Variants in HS6ST3 observed in about 807,000 individuals in gnomAD.
HS6ST3 encodes heparan sulfate 6-O-sulfotransferase 3.
HS6ST3 carries 12 observed loss-of-function variants against 36.7 expected under a neutral mutation model. That is an observed-to-expected ratio of 0.33 (90% CI 0.21 to 0.53). HS6ST3 has a LOEUF of 0.53. Ranked by LOEUF, HS6ST3 falls within the 20% of genes least tolerant of loss-of-function variation. The probability of loss-of-function intolerance (pLI) is 0.95; values close to 1 mark genes in which losing one functional copy is unlikely to be tolerated. For synonymous variants in HS6ST3, 240 were observed against 257.5 expected, an observed-to-expected ratio of 0.93 and a Z score of 0.65; for missense variants, 584 against 640.9, an observed-to-expected ratio of 0.91 and a Z score of 0.96.
intron 1 of HS6ST3, among the ~76,000 whole-genome samples, chr13:96,550,043 CT>C (rs1184562668): frequency 6.6e-6 from 1 of 152,166 alleles, no homozygotes; most frequent in African/African-American, 2.4e-5. Context: ...GTAATACATA[CT>C]TGTTACTGTT....
At chr13:96,787,031 C>T (rs896390874) in intron 1 of HS6ST3, among the ~76,000 whole-genome samples, 18 of 152,136 alleles carry the variant, frequency 1.2e-4, no homozygotes, top group African/African-American at 3.6e-4. Flanking sequence ...CCCTTGAGGT[C>T]CATTCAGTTG....
At chr13:96,555,958 T>C (rs1167712938) in intron 1 of HS6ST3, among the ~76,000 whole-genome samples, 3 of 152,072 alleles carry the variant, frequency 2.0e-5, no homozygotes, top group Non-Finnish European at 4.4e-5. Flanking sequence ...AACAGGAAAA[T>C]TGCTTGGAAC....
intron 1 of HS6ST3, among the ~76,000 whole-genome samples, chr13:96,214,928 G>A (rs1415166745): frequency 1.3e-5 from 2 of 152,182 alleles, no homozygotes; most frequent in African/African-American, 2.4e-5. Context: ...TGTGAACTGA[G>A]CAGTGACACA....
intron 1 of HS6ST3, among the ~76,000 whole-genome samples, chr13:96,111,821 A>G (rs1207594836): frequency 6.6e-6 from 1 of 152,236 alleles, no homozygotes; most frequent in Admixed American, 6.5e-5. Context: ...CTACATAAAG[A>G]GAACTGCAGA....
intron 1 of HS6ST3, among the ~76,000 whole-genome samples, chr13:96,182,064 A>G (rs1348496562): frequency 1.3e-5 from 2 of 152,206 alleles, no homozygotes; most frequent in Admixed American, 6.5e-5. Flanking sequence ...AAGTTCAGGG[A>G]CTCATGAAAT....
intron 1 of HS6ST3, among the ~76,000 whole-genome samples, chr13:96,436,892 CAA>C (rs1048899529): frequency 2.0e-5 from 3 of 152,006 alleles, no homozygotes. Flanking sequence ...ACCCCTGTAG[CAA>C]AAGTGAACAT....
intron 1 of HS6ST3, among the ~76,000 whole-genome samples, chr13:96,336,007 C>T (rs960247558): frequency 2.0e-5 from 3 of 151,966 alleles, no homozygotes; most frequent in African/African-American, 7.2e-5. Flanking sequence ...TTATTTATGT[C>T]TTAAATGTCA....
In HS6ST3 at chr13:96,431,628, CA is replaced by C. The variant is rs1481027383; in HGVS notation, c.707+340060del. On this transcript the variant is annotated intron_variant, in intron 1 of 1. Transcript: ENST00000376705. Reference sequence around the variant, plus strand: ...CAGATTGGGCTCTGTCAAGCTAGTCCAGCTCCTTTTCAAAGATCTTCCACCT... The same window carrying C: ...CAGATTGGGCTCTGTCAAGCTAGTCCGCTCCTTTTCAAAGATCTTCCACCT... Among the ~76,000 whole-genome samples, 3 of 152,184 alleles carry C rather than the reference CA, an allele frequency of 2.0e-5. No homozygotes were observed. In the South Asian group the frequency reaches 6.2e-4, roughly 32 times the overall value.
At chr13:96,808,052 G>A (rs1027740083) in intron 1 of HS6ST3, among the ~76,000 whole-genome samples, 3 of 152,086 alleles carry the variant, frequency 2.0e-5, no homozygotes, top group African/African-American at 7.2e-5. Context: ...AAATAACTTG[G>A]AATTTGTTTT....
chr13:96,224,942 C>T (rs534870119), intron 1 of HS6ST3, among the ~76,000 whole-genome samples: 1 of 152,294 alleles, frequency 6.6e-6, no homozygotes, highest in African/African-American at 2.4e-5. Flanking sequence ...AGCGTGTTTG[C>T]ATTGTTACTG....
intron 1 of HS6ST3, among the ~76,000 whole-genome samples, chr13:96,343,723 A>C (rs2055140892): frequency 1.3e-5 from 2 of 151,560 alleles, no homozygotes; most frequent in South Asian, 4.2e-4. Context: ...GCCACTCCTT[A>C]ATTACAGTTT....
intron 1 of HS6ST3, among the ~76,000 whole-genome samples, chr13:96,125,619 G>A (rs955762137): frequency 6.6e-6 from 1 of 152,002 alleles, no homozygotes; most frequent in South Asian, 2.1e-4. Context: ...GTACCATGAT[G>A]AGTAGGGTCT....
intron 1 of HS6ST3, among the ~76,000 whole-genome samples, chr13:96,354,424 C>T (rs1370957208): frequency 2.0e-5 from 3 of 152,042 alleles, no homozygotes; most frequent in Admixed American, 1.3e-4. Flanking sequence ...GAAAAAAAAT[C>T]TTAATTTCAA....
chr13:96,126,983 T>C (rs553737699), intron 1 of HS6ST3, among the ~76,000 whole-genome samples: 1 of 152,324 alleles, frequency 6.6e-6, no homozygotes, highest in African/African-American at 2.4e-5. Flanking sequence ...TCCCTACTTC[T>C]TCTGACTTCC....
intron 1 of HS6ST3, among the ~76,000 whole-genome samples, chr13:96,773,008 A>G (rs1432488286): frequency 6.6e-6 from 1 of 152,116 alleles, no homozygotes; most frequent in Non-Finnish European, 1.5e-5. Context: ...GGGTCCACAG[A>G]GGGTGAGCTG....
chr13:96,503,492 A>G (rs2056013750), intron 1 of HS6ST3, among the ~76,000 whole-genome samples: 1 of 152,192 alleles, frequency 6.6e-6, no homozygotes, highest in African/African-American at 2.4e-5. Flanking sequence ...GGTCATCATG[A>G]CATGTCATAT....
At chr13:96,337,455 C>T (rs1200357020) in intron 1 of HS6ST3, among the ~76,000 whole-genome samples, 2 of 152,084 alleles carry the variant, frequency 1.3e-5, no homozygotes, top group Non-Finnish European at 2.9e-5. Context: ...GAGAAGGGTT[C>T]GTGGGATGTG....
chr13:96,503,896 G>T (rs2056015568), intron 1 of HS6ST3, among the ~76,000 whole-genome samples: 1 of 152,124 alleles, frequency 6.6e-6, no homozygotes, highest in Admixed American at 6.5e-5. Flanking sequence ...GGCATGGGGA[G>T]ATTGAGTGTC....
intron 1 of HS6ST3, among the ~76,000 whole-genome samples, chr13:96,830,398 G>T (rs1178675247): frequency 6.6e-6 from 1 of 152,162 alleles, no homozygotes; most frequent in African/African-American, 2.4e-5. Flanking sequence ...ATCTACAACT[G>T]CTCCCTTCTT....
Sources: allele counts gnomAD v4.1 joint callset (sites outside exome capture counted in the v4.1 genomes callset), GRCh38; gene constraint gnomAD v4.1.1; transcripts MANE v1.5; gene names NCBI Gene and HGNC (gene_info 2026-07-23, HGNC 2026-07-21).